The following PCDHA5 variants were observed in gnomAD, a reference collection of about 807,000 sequenced individuals.
PCDHA5 encodes protocadherin alpha-5.
In PCDHA5, 43 loss-of-function variants were observed where a neutral mutation model predicts 61.6. The ratio of observed to expected loss-of-function variants is 0.70; its 90% confidence interval spans 0.55 to 0.90. The LOEUF is 0.90. Among genes scored for constraint, PCDHA5 ranks in the 40% least tolerant of loss-of-function variants. The pLI is 0.00. For synonymous variants in PCDHA5, 627 were observed against 543.9 expected (o/e 1.15, Z -2.13); for missense variants, 1,298 against 1,222.7 (o/e 1.06, Z -0.92).
chr5:140,863,572 A>T (rs2048074367), intron 1 of PCDHA5: 1 of 368,290 alleles, frequency 2.7e-6, no homozygotes, highest in African/African-American at 2.1e-5. Flanking sequence ...GAATATAAGT[A>T]CTGTAATCCT....
At chr5:141,001,833 G>GAGACAGAGAGAGAGGTTGATT (rs1554258319) in intron 3 of PCDHA5, among the ~76,000 whole-genome samples, 1 of 151,780 alleles carries the variant, frequency 6.6e-6, no homozygotes, top group East Asian at 1.9e-4. Context: ...GACAGAGAGG[G>GAGACAGAGAGAGAGGTTGATT]AGACAGAGAG....
intron 1 of PCDHA5, among the ~76,000 whole-genome samples, chr5:140,893,506 A>AT (rs1270469461): frequency 6.6e-6 from 1 of 152,170 alleles, no homozygotes; most frequent in African/African-American, 2.4e-5. Context: ...AGAAAAAAAA[A>AT]GCAGTTGTAG....
chr5:140,823,574 C>A lies in PCDHA5; in HGVS notation c.1799C>A (p.Ser600Ter). Reference sequence around the variant, plus strand: ...AAGGTGCGCGCAGTGGACCCTGATTCGGGCTACAACGCTTGGCTTTCGTAT... The same window carrying A: ...AAGGTGCGCGCAGTGGACCCTGATTAGGGCTACAACGCTTGGCTTTCGTAT... ...VAKVRAVDPD[S>*]GYNAWLSYEL... Residue 600 changes from serine to a stop codon, truncating the protein, a stop_gained, in exon 1 of 4, where the codon TCG (serine) becomes TAG (stop). Coordinates refer to ENST00000529859, the MANE Select transcript of PCDHA5 (RefSeq NM_018908.3). LOFTEE classifies it high-confidence loss of function. The A allele has an allele frequency of 6.2e-7, 1 of 1,613,944 alleles. No homozygotes were observed. Among genetic ancestry groups the A allele is most frequent in the South Asian group, 1.1e-5 (1 of 91,078 alleles).
chr5:140,852,196 G>A lies in PCDHA5; in HGVS notation c.2352+28069G>A, dbSNP rs2150513230. The A allele has an allele frequency of 3.1e-5, 22 of 707,012 alleles. 1 individual carries two copies. The highest frequency in any genetic ancestry group is 1.9e-4 in the African/African-American group (10 of 51,666). The allele number at this position is 707,012 out of a possible 1,614,324, so 43.8% of individuals were successfully genotyped here. On this transcript the variant is annotated intron_variant, in intron 1 of 3. Transcript: ENST00000529859. ...AAATAACTATGAAAATGCCAGTAAC[G>A]TTTATTTAAAACAAAATATTTTAAT... is the stretch of plus-strand genomic sequence containing the variant.
At chr5:140,998,903 G>C (rs1465203456) in intron 3 of PCDHA5, among the ~76,000 whole-genome samples, 1 of 152,156 alleles carries the variant, frequency 6.6e-6, no homozygotes, top group East Asian at 1.9e-4. Context: ...CAATGCCTCC[G>C]GGAGGTAGCT....
chr5:140,875,426 A>G, intron 1 of PCDHA5: 1 of 1,532,482 alleles, frequency 6.5e-7, no homozygotes, highest in Non-Finnish European at 8.7e-7. Context: ...CAGGCAAGCG[A>G]TCCCTTAAAA....
At chr5:140,876,568 G>C (rs1302204057) in intron 1 of PCDHA5, 2 of 1,614,046 alleles carry the variant, frequency 1.2e-6, no homozygotes, top group African/African-American at 1.3e-5. Context: ...TGCTCAGGTG[G>C]GTACCGTCAT....
At chr5:140,884,499 C>A (rs782667822) in intron 1 of PCDHA5, 2 of 1,614,062 alleles carry the variant, frequency 1.2e-6, no homozygotes, top group Non-Finnish European at 8.5e-7. Flanking sequence ...TGCTCCAGCG[C>A]GGCAGGGAGT....
At chr5:140,842,362 C>T (rs2150334597) in intron 1 of PCDHA5, 4 of 1,607,598 alleles carry the variant, frequency 2.5e-6, no homozygotes, top group Middle Eastern at 1.7e-4. Flanking sequence ...ATGATAACGT[C>T]CCTGAGATAG....
chr5:140,858,741 A>G, intron 1 of PCDHA5: 1 of 467,024 alleles, frequency 2.1e-6, no homozygotes, highest in Middle Eastern at 5.8e-4. Flanking sequence ...TACTTTCATA[A>G]TCACTTTTCG....
chr5:140,857,255 T>C (rs1307623486), intron 1 of PCDHA5: 1 of 1,598,356 alleles, frequency 6.3e-7, no homozygotes, highest in Non-Finnish European at 8.6e-7. Context: ...CTACAAGAAT[T>C]ACTACTCATT....
chr5:140,841,497 T>G, intron 1 of PCDHA5: 6 of 1,613,288 alleles, frequency 3.7e-6, no homozygotes, highest in Non-Finnish European at 5.1e-6. Context: ...CTGGCGGAGC[T>G]GGTGCCGCGC....
At chr5:140,850,434 C>T (rs2150484212) in intron 1 of PCDHA5, 3 of 1,597,894 alleles carry the variant, frequency 1.9e-6, no homozygotes, top group Non-Finnish European at 1.7e-6. Flanking sequence ...GCGCCAGCGC[C>T]TACTGGTGCT....
chr5:140,924,531 G>A (rs1194516404), intron 1 of PCDHA5, among the ~76,000 whole-genome samples: 2 of 152,070 alleles, frequency 1.3e-5, no homozygotes, highest in African/African-American at 2.4e-5. Flanking sequence ...GAGAATGCCC[G>A]AGCTACCCCT....
intron 1 of PCDHA5, among the ~76,000 whole-genome samples, chr5:140,945,813 C>G (rs10477097): frequency 1.1e-4 from 16 of 152,202 alleles, no homozygotes; most frequent in African/African-American, 3.6e-4. Context: ...TTATCTCACA[C>G]TGTATACAAA....
intron 1 of PCDHA5, among the ~76,000 whole-genome samples, chr5:140,889,098 T>C (rs1252119447): frequency 6.6e-6 from 1 of 152,012 alleles, no homozygotes; most frequent in African/African-American, 2.4e-5. Flanking sequence ...AACAATTTTT[T>C]CATCTTTATT....
At chr5:140,882,824 C>G in intron 1 of PCDHA5, 6 of 1,614,206 alleles carry the variant, frequency 3.7e-6, no homozygotes, top group Non-Finnish European at 5.1e-6. Flanking sequence ...ACAAAACAGT[C>G]TTGAGCAAAT....
intron 1 of PCDHA5, among the ~76,000 whole-genome samples, chr5:140,887,995 G>A (rs537858803): frequency 8.5e-5 from 13 of 152,066 alleles, no homozygotes; most frequent in South Asian, 6.2e-4. Context: ...TGTCTCCACC[G>A]AATAGTCATC....
At chr5:140,966,900 G>A (rs376213042) in intron 1 of PCDHA5, 1 of 1,598,684 alleles carries the variant, frequency 6.3e-7, no homozygotes, top group Non-Finnish European at 8.5e-7. Flanking sequence ...TCCCAGCTGC[G>A]ATACTCTGTG....
Sources: gnomAD v4.1 joint callset for allele counts (sites outside exome capture counted in the v4.1 genomes callset) on GRCh38, gnomAD v4.1.1 for gene constraint, MANE v1.5 for transcripts, NCBI Gene and HGNC (gene_info 2026-07-23, HGNC 2026-07-21) for gene names.